Variants in ROCK1 observed in about 807,000 individuals in gnomAD.
ROCK1 encodes the protein rho-associated protein kinase 1.
Under a neutral mutation model 196.8 loss-of-function variants are expected in ROCK1, and 36 were observed. That is an observed-to-expected ratio of 0.18 (90% CI 0.14 to 0.24). ROCK1 has a LOEUF of 0.24. ROCK1 is among the 10% of genes least tolerant of loss of function. The pLI, the probability that ROCK1 is intolerant of heterozygous loss-of-function variation, is 1.00. For missense variants in ROCK1, 920 were observed against 1,562.0 expected (o/e 0.59, Z 6.93); for synonymous variants, 443 against 515.9 (o/e 0.86, Z 1.91).
rs1423713973 is a variant in ROCK1 at position 20,948,041 on chromosome 18, C to G, written c.*3343G>C. 1 of 151,904 alleles carries G rather than the reference C, an allele frequency of 6.6e-6. No individual in the cohort carries two copies. The highest frequency in any genetic ancestry group is 1.5e-5 in the Non-Finnish European group (1 of 67,992). The allele number at this position is 151,904 out of a possible 1,614,324, so 9.4% of individuals were successfully genotyped here. A position where few individuals can be genotyped will look rare whatever the true frequency, so the allele number is the denominator to read the frequency against. ...AGGAGGATCACTTGAACCTGGGAGG[C>G]GGAGGTTGCAGTGAGCCGAGATCGC... On this transcript the variant is annotated 3_prime_UTR_variant, in exon 33 of 33. Transcript: ENST00000399799.
intron 27 of ROCK1, among the ~76,000 whole-genome samples, chr18:20,965,486 T>A (rs1378857943): frequency 6.6e-6 from 1 of 151,820 alleles, no homozygotes; most frequent in East Asian, 1.9e-4. Context: ...ATACATAGAG[T>A]AAGAATCCCT....
At chr18:20,967,099 T>C (rs376072195) in intron 26 of ROCK1, 23 bp from the exon 27 acceptor site, 12 of 1,534,396 alleles carry the variant, frequency 7.8e-6, no homozygotes, top group Non-Finnish European at 1.1e-5. Flanking sequence ...AGTATCAAGA[T>C]AATATAATCA....
intron 1 of ROCK1, among the ~76,000 whole-genome samples, chr18:21,096,993 T>C (rs2036618110): frequency 1.3e-5 from 2 of 152,046 alleles, no homozygotes; most frequent in Admixed American, 1.3e-4. Flanking sequence ...ACTATAAAGA[T>C]GAGAAAATTG....
Position 21,104,453 on chromosome 18 carries a change from C to T in ROCK1, c.93+6365G>A, listed in dbSNP as rs548093747. On this transcript the variant is annotated intron_variant, in intron 1 of 32. Transcript: ENST00000399799. ...TCTACTAAAAATACAAAAAATTAGCCGGGTGCGGTGGCGGGCGCCTGTAGT... is the reference window on the plus strand; with the variant it reads ...TCTACTAAAAATACAAAAAATTAGCTGGGTGCGGTGGCGGGCGCCTGTAGT... Among the ~76,000 whole-genome samples the T allele has an allele frequency of 4.6e-5, 7 of 152,164 alleles. No homozygotes were observed. In the South Asian group the frequency reaches 8.3e-4, roughly 18 times the overall value.
chr18:21,099,081 A>G (rs1456468059), intron 1 of ROCK1, among the ~76,000 whole-genome samples: 1 of 152,202 alleles, frequency 6.6e-6, no homozygotes, highest in African/African-American at 2.4e-5. Flanking sequence ...TCTCACTTCT[A>G]GGAATCTACT....
chr18:21,032,303 T>C (rs2036015428), intron 9 of ROCK1, among the ~76,000 whole-genome samples: 1 of 152,126 alleles, frequency 6.6e-6, no homozygotes, highest in South Asian at 2.1e-4. Context: ...TGGTATCAAT[T>C]CAACCTAGAT....
At chr18:20,968,744 A>G (rs370791841) in intron 25 of ROCK1, 28 bp downstream of exon 25, 2 of 1,320,498 alleles carry the variant, frequency 1.5e-6, no homozygotes, top group Non-Finnish European at 2.2e-6. Context: ...AAAAATGAAC[A>G]TGTGGAAAAG....
Position 21,071,314 on chromosome 18 carries a change from G to A in ROCK1, c.94-701C>T, listed in dbSNP as rs1254046364. 2.0e-5 allele frequency among the ~76,000 whole-genome samples: 3 copies of A among 151,688 alleles called. No homozygotes were observed. In the East Asian group the frequency reaches 5.8e-4, roughly 29 times the overall value. On this transcript the variant is annotated intron_variant, in intron 1 of 32. Coordinates refer to ENST00000399799, the MANE Select transcript of ROCK1 (RefSeq NM_005406.3). ...CTGCCTCAGCCTCTTGAGTAGCGGGGACTACAGGCTCACGCTACCACACCT... is the reference window on the plus strand; with the variant it reads ...CTGCCTCAGCCTCTTGAGTAGCGGGAACTACAGGCTCACGCTACCACACCT...
At chr18:21,047,575 C>T (rs1432944867) in intron 4 of ROCK1, among the ~76,000 whole-genome samples, 1 of 152,092 alleles carries the variant, frequency 6.6e-6, no homozygotes, top group East Asian at 1.9e-4. Flanking sequence ...AGGCGGATCA[C>T]GAGGTCAGGA....
intron 22 of ROCK1, among the ~76,000 whole-genome samples, chr18:20,979,326 T>C (rs1197286162): frequency 6.6e-6 from 1 of 152,158 alleles, no homozygotes; most frequent in Non-Finnish European, 1.5e-5. Context: ...AAATAGATCT[T>C]TTAAAATTGA....
chr18:21,048,745 T>G (rs1305203904), intron 4 of ROCK1, among the ~76,000 whole-genome samples: 7 of 151,972 alleles, frequency 4.6e-5, no homozygotes, highest in Non-Finnish European at 4.4e-5. Context: ...GAGATAGGTG[T>G]CACTATGTTG....
In ROCK1 at chr18:21,047,365, A is replaced by C. The variant is rs193207050; in HGVS notation, c.414+1727T>G. 1.6e-3 allele frequency among the ~76,000 whole-genome samples: 251 copies of C among 152,284 alleles called. 1 individual carries two copies. The highest frequency in any genetic ancestry group is 7.4e-3 in the Admixed American group (113 of 15,296). ...GAATGCTGCCAAACATCCTAAATAA[A>C]CACATTAGTAACTGAAATAATATAA... is the stretch of plus-strand genomic sequence containing the variant. On this transcript the variant is annotated intron_variant, in intron 4 of 32. Transcript: ENST00000399799.
intron 2 of ROCK1, among the ~76,000 whole-genome samples, chr18:21,057,170 C>T (rs1233722873): frequency 1.3e-5 from 2 of 152,216 alleles, no homozygotes; most frequent in African/African-American, 4.8e-5. Context: ...GATGTTGTGA[C>T]CATCTAGACT....
At chr18:21,060,567 C>T (rs79323968) in intron 2 of ROCK1, among the ~76,000 whole-genome samples, 3,430 of 152,260 alleles carry the variant, frequency 0.023, 114 homozygotes, top group African/African-American at 0.079. Flanking sequence ...ATGGCCGGCA[C>T]GGTGGCTCAC....
chr18:21,109,286 T>G (rs984090195), intron 1 of ROCK1, among the ~76,000 whole-genome samples: 2 of 152,040 alleles, frequency 1.3e-5, no homozygotes, highest in African/African-American at 4.8e-5. Flanking sequence ...ATCCTCCACA[T>G]GTAAATAAAG....
At chr18:21,061,574 A>T (rs548730326) in intron 2 of ROCK1, among the ~76,000 whole-genome samples, 1 of 152,268 alleles carries the variant, frequency 6.6e-6, no homozygotes, top group Admixed American at 6.5e-5. Flanking sequence ...GTTTGTTAAG[A>T]CCCACAGAAC....
At chr18:21,058,140 A>AT (rs962713877) in intron 2 of ROCK1, among the ~76,000 whole-genome samples, 1 of 152,182 alleles carries the variant, frequency 6.6e-6, no homozygotes, top group Non-Finnish European at 1.5e-5. Context: ...ACAGATATGG[A>AT]TTTTTTTAAA....
At chr18:21,004,682 G>C (rs2035753941) in intron 16 of ROCK1, among the ~76,000 whole-genome samples, 1 of 152,150 alleles carries the variant, frequency 6.6e-6, no homozygotes, top group South Asian at 2.1e-4. Context: ...GAATTGGAAG[G>C]ATTTATAGAG....
rs1411152663 is a variant in ROCK1 at position 21,020,225 on chromosome 18, T to C, written c.1287A>G (p.Gln429=). The change falls in exon 12 of 33, where the codon CAA becomes CAG. Residue 429 remains glutamine (Q), a synonymous_variant. Coordinates refer to ENST00000399799, the MANE Select transcript of ROCK1 (RefSeq NM_005406.3). ...GTTCTTCCAGCTTATAGATTGTTTT[T>C]TGCAAACTTTCCTGCTTTAATTTAA... ...NADKSLQESL[Q]KTIYKLEEQL... The C allele has an allele frequency of 1.9e-6, 3 of 1,583,270 alleles. No individual in the cohort carries two copies. Among genetic ancestry groups the C allele is most frequent in the Non-Finnish European group, 1.7e-6 (2 of 1,169,018 alleles).
Sources: allele counts gnomAD v4.1 joint callset (sites outside exome capture counted in the v4.1 genomes callset), GRCh38; gene constraint gnomAD v4.1.1; transcripts MANE v1.5; gene names NCBI Gene and HGNC (gene_info 2026-07-23, HGNC 2026-07-21).